The following CGGBP1 variants were observed in gnomAD, a reference collection of about 807,000 sequenced individuals.
The protein encoded by CGGBP1 is CGG triplet repeat binding protein 1.
In CGGBP1, 4 loss-of-function variants were observed where a neutral mutation model predicts 11.4. That is an observed-to-expected ratio of 0.35 (90% CI 0.17 to 0.80). The LOEUF is 0.80. Ranked by LOEUF, CGGBP1 falls within the 30% of genes least tolerant of loss-of-function variation. The pLI, the probability that CGGBP1 is intolerant of heterozygous loss-of-function variation, is 0.52. For synonymous variants in CGGBP1, 76 were observed against 74.1 expected, an observed-to-expected ratio of 1.03 and a Z score of -0.13; for missense variants, 135 against 202.1, an observed-to-expected ratio of 0.67 and a Z score of 2.01.
intron 2 of CGGBP1, chr3:88,057,684 G>C (rs1308714196): frequency 6.6e-6 from 1 of 152,114 alleles, no homozygotes; most frequent in Non-Finnish European, 1.5e-5. Flanking sequence ...AAAAAGTCTT[G>C]TATCTTTAAA....
rs577045191 is a variant in CGGBP1 at position 88,087,346 on chromosome 3, A to G, written c.-228-29123T>C. ...CACCTTGGCCTTCCAAAGTGCTGGGATTACAGGCGTGAGCTACCACACCTG... is the reference window on the plus strand; with the variant it reads ...CACCTTGGCCTTCCAAAGTGCTGGGGTTACAGGCGTGAGCTACCACACCTG... On this transcript the variant is annotated intron_variant, in intron 2 of 3. Coordinates refer to the CGGBP1 transcript ENST00000462901. Among the ~76,000 whole-genome samples the G allele has an allele frequency of 5.9e-5, 9 of 152,326 alleles. No homozygotes were observed. The South Asian group carries it at 1.9e-3, about 32-fold the overall frequency.
chr3:88,114,568 A>T (rs1705276127), intron 2 of CGGBP1, among the ~76,000 whole-genome samples: 1 of 152,066 alleles, frequency 6.6e-6, no homozygotes, highest in Non-Finnish European at 1.5e-5. Flanking sequence ...TAATTTCCAT[A>T]TACTACCTGC....
At chr3:88,059,960 A>G (rs932526983), upstream of CGGBP1, among the ~76,000 whole-genome samples, 6 of 151,082 alleles carry the variant, frequency 4.0e-5, no homozygotes, top group Non-Finnish European at 8.9e-5. Flanking sequence ...GAGACATGCC[A>G]TCTTTCCTGT....
upstream of CGGBP1, among the ~76,000 whole-genome samples, chr3:88,061,792 TATA>T (rs1706900204): frequency 6.6e-6 from 1 of 152,232 alleles, no homozygotes; most frequent in Non-Finnish European, 1.5e-5. Context: ...TAATATTAAG[TATA>T]ATAATTTGTT....
At position 88,058,931 on chromosome 3, in the gene CGGBP1, C is replaced by T. The variant is rs1706666905; in HGVS notation, c.-447G>A. On this transcript the variant is annotated 5_prime_UTR_variant, in exon 1 of 4. Coordinates refer to ENST00000482016, the MANE Select transcript of CGGBP1 (RefSeq NM_001008390.2). ...GAGGAGGATCCGTCGCTGCCGCCGT[C>T]GCCGCCGTTGCCCGATCGAGCCCCG... 1.0e-5 allele frequency: 2 copies of T among 195,626 alleles called. No individual in the cohort carries two copies. The highest frequency in any genetic ancestry group is 2.1e-5 in the Non-Finnish European group (2 of 97,532). 12.1% of individuals were successfully genotyped at this position (195,626 alleles called of 1,614,324 possible).
rs934895019 is a variant in CGGBP1, at chr3:88,053,922, T to G, written c.*1551A>C. 2.0e-5 allele frequency: 3 copies of G among 152,558 alleles called. No individual in the cohort carries two copies. Among genetic ancestry groups the G allele is most frequent in the African/African-American group, 7.2e-5 (3 of 41,454 alleles). 9.5% of individuals were successfully genotyped at this position (152,558 alleles called of 1,614,324 possible). ...TTCACATTTTGATAAGTGATTTATT[T>G]TGGCGGCAGGCTTATTTTTTAATGA... On this transcript the variant is annotated 3_prime_UTR_variant, in exon 4 of 4. Transcript: ENST00000482016.
At chr3:88,082,582 G>A (rs142441506) in intron 2 of CGGBP1, among the ~76,000 whole-genome samples, 1 of 152,324 alleles carries the variant, frequency 6.6e-6, no homozygotes, top group African/African-American at 2.4e-5. Context: ...TAATACGGAC[G>A]TGAATAGCCA....
At chr3:88,061,038 T>C (rs1706851564), upstream of CGGBP1, among the ~76,000 whole-genome samples, 1 of 152,148 alleles carries the variant, frequency 6.6e-6, no homozygotes, top group Non-Finnish European at 1.5e-5. Context: ...CATTCACTTT[T>C]ATTTTGATAA....
chr3:88,095,780 C>T (rs1704023107), intron 2 of CGGBP1: 1 of 423,012 alleles, frequency 2.4e-6, no homozygotes, highest in Non-Finnish European at 4.5e-6. Flanking sequence ...TTTTTGTAAA[C>T]TAAGAAATGA....
intron 2 of CGGBP1, among the ~76,000 whole-genome samples, chr3:88,092,124 T>C (rs910437176): frequency 6.6e-6 from 1 of 152,214 alleles, no homozygotes; most frequent in African/African-American, 2.4e-5. Flanking sequence ...AGAAGTTAAT[T>C]ATATTTTCCA....
intron 2 of CGGBP1, among the ~76,000 whole-genome samples, chr3:88,103,166 A>G (rs1464964850): frequency 1.3e-5 from 2 of 151,652 alleles, no homozygotes; most frequent in African/African-American, 4.8e-5. Context: ...TTACAGACAC[A>G]TTTTTTTTTA....
At chr3:88,131,647 A>C (rs1356354318) in intron 2 of CGGBP1, among the ~76,000 whole-genome samples, 2 of 152,136 alleles carry the variant, frequency 1.3e-5, no homozygotes, top group Non-Finnish European at 2.9e-5. Flanking sequence ...AAACCTTCTA[A>C]GAATAGAGGC....
At chr3:88,072,624 T>C (rs1031579860) in intron 2 of CGGBP1, among the ~76,000 whole-genome samples, 4 of 152,188 alleles carry the variant, frequency 2.6e-5, no homozygotes, top group Admixed American at 2.6e-4. Flanking sequence ...AGGCCTTCCC[T>C]GAACACCCCA....
rs116774731 is a variant in CGGBP1 at position 88,124,543 on chromosome 3, T to A, written c.-229+16427A>T. ...GTGGCATATATAAATCACTTTATAA[T>A]CTCAGCAAATTATGAAAGAATATGA... is the stretch of plus-strand genomic sequence containing the variant. On this transcript the variant is annotated intron_variant, in intron 2 of 3. Transcript: ENST00000462901. Among the ~76,000 whole-genome samples, 575 of 152,380 alleles carry A rather than the reference T, an allele frequency of 3.8e-3. 1 individual carries two copies. The highest frequency in any genetic ancestry group is 6.8e-3 in the Middle Eastern group (2 of 294).
intron 1 of CGGBP1, chr3:88,142,181 TTATACA>T (rs947634170): frequency 2.0e-5 from 3 of 152,412 alleles, no homozygotes; most frequent in African/African-American, 7.2e-5. Flanking sequence ...ATTTAGAAAC[TTATACA>T]TTAACTTACC....
At chr3:88,137,223 G>T (rs1316908801) in intron 2 of CGGBP1, among the ~76,000 whole-genome samples, 5 of 140,360 alleles carry the variant, frequency 3.6e-5, no homozygotes, top group Non-Finnish European at 6.2e-5. Context: ...AAAAAAGGAT[G>T]TAGATAGAAG....
chr3:88,062,413 G>T (rs148871322), upstream of CGGBP1, among the ~76,000 whole-genome samples: 115 of 152,260 alleles, frequency 7.6e-4, no homozygotes, highest in South Asian at 1.7e-3. Flanking sequence ...GATGTGAAAG[G>T]AAAAAGAAGT....
intron 1 of CGGBP1, among the ~76,000 whole-genome samples, chr3:88,145,021 C>G (rs905422658): frequency 2.6e-5 from 4 of 151,912 alleles, no homozygotes; most frequent in African/African-American, 9.7e-5. Flanking sequence ...ATAAATTTGT[C>G]TACACTGGTA....
intron 2 of CGGBP1, among the ~76,000 whole-genome samples, chr3:88,068,733 A>G (rs1008807030): frequency 1.3e-5 from 2 of 152,058 alleles, no homozygotes; most frequent in African/African-American, 4.8e-5. Flanking sequence ...AGCTCATTTA[A>G]TCCACTACCC....
Sources: allele counts gnomAD v4.1 joint callset (sites outside exome capture counted in the v4.1 genomes callset), GRCh38; gene constraint gnomAD v4.1.1; transcripts MANE v1.5; gene names NCBI Gene and HGNC (gene_info 2026-07-23, HGNC 2026-07-21).